Variants in TGM6 observed in about 807,000 individuals in gnomAD.
The protein encoded by TGM6 is protein-glutamine gamma-glutamyltransferase 6.
In TGM6, 74 loss-of-function variants were observed where a neutral mutation model predicts 77.5. That is an observed-to-expected ratio of 0.96 (90% CI 0.79 to 1.16). TGM6 has a LOEUF of 1.16. Ranked by LOEUF, TGM6 falls within the 50% of genes most tolerant of loss-of-function variation. TGM6 has a pLI of 0.00. For missense variants in TGM6, 968 were observed against 940.2 expected (o/e 1.03, Z -0.39); for synonymous variants, 383 against 378.9 (o/e 1.01, Z -0.12).
At chr20:2,381,019 A>T (rs532317932) in intron 1 of TGM6, 44 bp downstream of exon 1, 1 of 1,605,544 alleles carries the variant, frequency 6.2e-7, no homozygotes, top group East Asian at 2.2e-5. Flanking sequence ...AGGGCTCATG[A>T]GGGGGGCTTC....
rs199968743 is a variant in TGM6 at position 2,417,279 on chromosome 20, T to C, written c.1384T>C (p.Phe462Leu). The C allele has an allele frequency of 1.5e-5, 24 of 1,610,804 alleles. No homozygotes were observed. The highest frequency in any genetic ancestry group is 2.0e-5 in the Non-Finnish European group (24 of 1,178,758). Residue 462 changes from phenylalanine to leucine, a missense_variant, in exon 10 of 13, where the codon TTC becomes CTC. Phe to Leu is a conservative substitution (Grantham distance 22). Coordinates refer to ENST00000202625, the MANE Select transcript of TGM6 (RefSeq NM_198994.3). ...QVYSKAVNRL[F>L]GVEASGRRIW... The stretch of plus-strand genomic sequence containing the variant: ...GTACAGCAAGGCGGTGAACAGGCTG[T>C]TCGGCGTGGAAGCCTCTGGAAGGAG...
rs1418194812 is a variant in TGM6, at chr20:2,432,729, G to T, written c.*86G>T. On this transcript the variant is annotated 3_prime_UTR_variant, in exon 13 of 13. Transcript: ENST00000202625. ...GTCTCTTCCACATGGGAGCCAGGAG[G>T]CCTCAGTTAATCCTGCCTCAACCTC... is the stretch of plus-strand genomic sequence containing the variant. 2 of 1,591,988 alleles carry T rather than the reference G, an allele frequency of 1.3e-6. No homozygotes were observed. Among genetic ancestry groups the T allele is most frequent in the Non-Finnish European group, 1.7e-6 (2 of 1,163,174 alleles).
intron 1 of TGM6, among the ~76,000 whole-genome samples, chr20:2,393,716 G>A (rs927868554): frequency 1.3e-5 from 2 of 151,952 alleles, no homozygotes; most frequent in African/African-American, 4.8e-5. Flanking sequence ...GTAGAGATGA[G>A]GTTTCACCAT....
chr20:2,407,380 A>G (rs1339557255), intron 9 of TGM6, among the ~76,000 whole-genome samples: 1 of 152,202 alleles, frequency 6.6e-6, no homozygotes, highest in African/African-American at 2.4e-5. Context: ...GCACTTTGGG[A>G]GGCCAAGGTG....
intron 10 of TGM6, among the ~76,000 whole-genome samples, chr20:2,428,252 G>T (rs142521826): frequency 6.6e-6 from 1 of 152,330 alleles, no homozygotes; most frequent in Non-Finnish European, 1.5e-5. Flanking sequence ...GCCCAGCTGA[G>T]TGACGGTGCT....
Position 2,382,478 on chromosome 20 carries a change from AG to A in TGM6, c.7+1505del, listed in dbSNP as rs2084562524. On this transcript the variant is annotated intron_variant, in intron 1 of 12. Transcript: ENST00000202625. ...CAGTGCGAAGGTTAGTTTCTGAGGA[AG>A]GAAAAAAGTTGATGATGATGCCCAT... is the stretch of plus-strand genomic sequence containing the variant. 7.9e-5 allele frequency among the ~76,000 whole-genome samples: 12 copies of A among 152,362 alleles called. 1 individual carries two copies. In the South Asian group the frequency reaches 2.5e-3, roughly 32 times the overall value.
intron 10 of TGM6, among the ~76,000 whole-genome samples, chr20:2,428,302 T>C (rs2084902455): frequency 6.6e-6 from 1 of 152,154 alleles, no homozygotes; most frequent in Non-Finnish European, 1.5e-5. Context: ...TCTCAGCTTT[T>C]ATTAGATTGT....
At position 2,399,621 on chromosome 20, in the gene TGM6, G is replaced by A. The variant is rs1288465164; in HGVS notation, c.733G>A (p.Gly245Ser). ...ACAGTGGCAGGGCAAGTACGGCGGC[G>A]GCACCAGCCCGCTGCACTGGCGCGG... ...QGQWQGKYGG[G>S]TSPLHWRGSV... Residue 245 changes from glycine to serine, a missense_variant, in exon 6 of 13, where the codon GGC becomes AGC. Coordinates refer to ENST00000202625, the MANE Select transcript of TGM6 (RefSeq NM_198994.3). 16 of 1,613,352 alleles carry A rather than the reference G, an allele frequency of 9.9e-6. No individual in the cohort carries two copies. Among genetic ancestry groups the A allele is most frequent in the East Asian group, 4.5e-5 (2 of 44,882 alleles).
chr20:2,408,990 C>T (rs1296791676), intron 9 of TGM6, among the ~76,000 whole-genome samples: 2 of 152,116 alleles, frequency 1.3e-5, no homozygotes, highest in Non-Finnish European at 2.9e-5. Flanking sequence ...CTAACAGACG[C>T]CTATAGAAGA....
intron 9 of TGM6, among the ~76,000 whole-genome samples, chr20:2,413,596 T>C (rs748788864): frequency 1.3e-5 from 2 of 152,178 alleles, no homozygotes; most frequent in Admixed American, 6.5e-5. Context: ...ATAAGAATAG[T>C]CTTTTCAACA....
rs141930579 is a variant in TGM6 at position 2,396,562 on chromosome 20, A to G, written c.481A>G (p.Ser161Gly). 5.4e-4 allele frequency: 871 copies of G among 1,614,236 alleles called. 7 individuals carry two copies. The African/African-American group carries it at 0.01, about 19-fold the overall frequency. The change falls in exon 4 of 13, where the codon AGC becomes GGC. Residue 161 changes from serine to glycine, a missense_variant. Transcript: ENST00000202625. ...GAGACAGGAGTACGTGCTCAGCGAC[A>G]GCGGCATCATCTTCCGAGGCGTGGA... ...EERQEYVLSD[S>G]GIIFRGVEKH...
chr20:2,427,731 T>C (rs2084897583), intron 10 of TGM6, among the ~76,000 whole-genome samples: 1 of 152,078 alleles, frequency 6.6e-6, no homozygotes, highest in African/African-American at 2.4e-5. Flanking sequence ...CAAGTTTGTG[T>C]GTTGGGGGAG....
At chr20:2,413,919 C>G (rs760548106) in intron 9 of TGM6, among the ~76,000 whole-genome samples, 63 of 152,256 alleles carry the variant, frequency 4.1e-4, no homozygotes, top group Non-Finnish European at 6.9e-4. Flanking sequence ...AGAACTTGTC[C>G]TGCAAACAGC....
chr20:2,405,601 G>T (rs188522688), intron 9 of TGM6, among the ~76,000 whole-genome samples: 4 of 152,320 alleles, frequency 2.6e-5, no homozygotes, highest in Non-Finnish European at 5.9e-5. Flanking sequence ...ATCTATGCTT[G>T]CTGAGGACAG....
chr20:2,423,985 C>G (rs1277531091), intron 10 of TGM6, among the ~76,000 whole-genome samples: 2 of 152,178 alleles, frequency 1.3e-5, no homozygotes, highest in Non-Finnish European at 2.9e-5. Context: ...ATCAGTAGGT[C>G]TCAACAGTTG....
In TGM6 at chr20:2,399,575, C is replaced by A. The variant is rs370489062; in HGVS notation, c.687C>A (p.Asn229Lys). Residue 229 changes from asparagine to lysine, a missense_variant, in exon 6 of 13, where the codon AAC (asparagine) becomes AAA (lysine). Asn to Lys is a moderately conservative substitution (Grantham distance 94, BLOSUM62 0). Coordinates refer to ENST00000202625, the MANE Select transcript of TGM6 (RefSeq NM_198994.3). ...CCTCTGCCCAGGTGAACAGCAACAA[C>A]GACCGAGGTGTGGTGCAAGGACAGT... ...RVISAMVNSN[N>K]DRGVVQGQWQ... is the part of the protein sequence containing the mutation. 1 of 1,612,928 alleles carries A rather than the reference C, an allele frequency of 6.2e-7. No individual in the cohort carries two copies. Among genetic ancestry groups the A allele is most frequent in the South Asian group, 1.1e-5 (1 of 91,022 alleles).
In TGM6 at chr20:2,406,076, A is replaced by G. The variant is rs142315539; in HGVS notation, c.1336+2253A>G. On this transcript the variant is annotated intron_variant, in intron 9 of 12. Transcript: ENST00000202625. ...CTTTTAAACACCTACTCACACCCCC[A>G]ACTCACACTTTAGCTCCTATCTCCA... 2.6e-5 allele frequency among the ~76,000 whole-genome samples: 4 copies of G among 152,202 alleles called. No homozygotes were observed. The East Asian group carries it at 7.7e-4, about 29-fold the overall frequency.
At chr20:2,404,092 C>G (rs563266460) in intron 9 of TGM6, among the ~76,000 whole-genome samples, 11 of 152,328 alleles carry the variant, frequency 7.2e-5, no homozygotes, top group African/African-American at 2.6e-4. Context: ...TTGCCATATA[C>G]CAGGCACTGC....
chr20:2,430,857 G>A (rs752259724), intron 11 of TGM6, 37 bp from the exon 12 acceptor site: 2 of 1,614,080 alleles, frequency 1.2e-6, no homozygotes, highest in African/African-American at 1.3e-5. Context: ...AGGGAGGAGG[G>A]GTAGGCGCGA....
Sources: gnomAD v4.1 joint callset for allele counts (sites outside exome capture counted in the v4.1 genomes callset) on GRCh38, gnomAD v4.1.1 for gene constraint, MANE v1.5 for transcripts, NCBI Gene and HGNC (gene_info 2026-07-23, HGNC 2026-07-21) for gene names.